MID1: variants seen among roughly 807,000 people sequenced by gnomAD.
MID1 encodes E3 ubiquitin-protein ligase Midline-1.
A neutral mutation model predicts 40.4 loss-of-function variants in MID1; 7 were observed. The ratio of observed to expected loss-of-function variants is 0.17; its 90% CI spans 0.10 to 0.33. The LOEUF is 0.33. MID1 is among the 10% of genes least tolerant of loss of function. The probability of loss-of-function intolerance (pLI) is 1.00; values close to 1 mark genes in which losing one functional copy is unlikely to be tolerated. For synonymous variants in MID1, 229 were observed against 221.2 expected (o/e 1.04, Z -0.31); for missense variants, 367 against 558.5 (o/e 0.66, Z 3.46).
At chrX:10,657,318 T>A (rs985851249) in intron 1 of MID1, among the ~76,000 whole-genome samples, 5 of 111,854 alleles carry the variant, frequency 4.5e-5, no homozygotes, top group Non-Finnish European at 7.5e-5. Context: ...TGAAATTTTG[T>A]CTCAAGGTCT....
At chrX:10,587,525 A>T (rs970461856) in intron 1 of MID1, among the ~76,000 whole-genome samples, 2 of 112,688 alleles carry the variant, frequency 1.8e-5, no homozygotes, top group African/African-American at 6.4e-5. Flanking sequence ...AGAATCCTGG[A>T]AAAGAACTAC....
chrX:10,652,404 G>A (rs1936325982), intron 1 of MID1, among the ~76,000 whole-genome samples: 1 of 111,226 alleles, frequency 9.0e-6, no homozygotes, highest in Admixed American at 9.6e-5. Context: ...AGAAAATCCT[G>A]TTGACTTCAC....
intron 3 of MID1, among the ~76,000 whole-genome samples, chrX:10,517,869 T>A (rs1422013344): frequency 1.8e-5 from 2 of 112,340 alleles, no homozygotes; most frequent in Non-Finnish European, 3.8e-5. Flanking sequence ...TTGAAGTAGA[T>A]AATCCACACC....
At chrX:10,764,482 A>T (rs1226619406) in intron 1 of MID1, among the ~76,000 whole-genome samples, 1 of 112,079 alleles carries the variant, frequency 8.9e-6, no homozygotes, top group East Asian at 2.8e-4. Flanking sequence ...AAAATTAGCC[A>T]CACTAAAGTT....
intron 1 of MID1, among the ~76,000 whole-genome samples, chrX:10,694,791 T>C (rs2043151582): frequency 8.9e-6 from 1 of 112,089 alleles, no homozygotes; most frequent in African/African-American, 3.2e-5. Flanking sequence ...AGTGTGAAAA[T>C]TATGACACTA....
chrX:10,567,552 A>G lies in MID1; in HGVS notation c.-5T>C, dbSNP rs1190007923. The stretch of plus-strand genomic sequence containing the variant: ...TTCTGACTCCAGTGTTTCCATCTTC[A>G]GGCAAAGCTCTCTTGTGTCATCAGC... On this transcript the variant is annotated 5_prime_UTR_variant, in exon 2 of 10. An upstream open reading frame in the 5' UTR loses its in-frame stop. Transcript: ENST00000317552. The G allele has an allele frequency of 8.3e-7, 1 of 1,211,670 alleles. No homozygotes were observed. The highest frequency in any genetic ancestry group is 2.2e-5 in the Admixed American group (1 of 46,095).
intron 1 of MID1, among the ~76,000 whole-genome samples, chrX:10,722,345 T>C (rs1332483814): frequency 8.9e-6 from 1 of 112,146 alleles, no homozygotes; most frequent in South Asian, 3.7e-4. Flanking sequence ...TGCCTGGATA[T>C]TTAGCAATGC....
chrX:10,748,022 A>G (rs1231152926), intron 1 of MID1, among the ~76,000 whole-genome samples: 1 of 109,908 alleles, frequency 9.1e-6, no homozygotes, highest in African/African-American at 3.3e-5. Flanking sequence ...GGATCCATTT[A>G]GTGAGCTGGA....
chrX:10,725,473 A>G (rs1188939018), intron 1 of MID1, among the ~76,000 whole-genome samples: 2 of 112,375 alleles, frequency 1.8e-5, no homozygotes, highest in African/African-American at 3.2e-5. Context: ...GATATTGGCC[A>G]TGTTACATAT....
At chrX:10,553,901 ACTCT>A (rs948015520) in intron 2 of MID1, among the ~76,000 whole-genome samples, 3 of 110,448 alleles carry the variant, frequency 2.7e-5, no homozygotes, top group South Asian at 3.9e-4. Context: ...CCATACTCAA[ACTCT>A]CTCTCTTTCT....
chrX:10,560,102 G>C lies in MID1; in HGVS notation c.660+6786C>G, dbSNP rs762593802. 9.0e-5 allele frequency among the ~76,000 whole-genome samples: 10 copies of C among 110,520 alleles called. No individual in the cohort carries two copies. In the South Asian group the frequency reaches 3.9e-3, roughly 43 times the overall value. The stretch of plus-strand genomic sequence containing the variant: ...GGGTCTTGCTATGTTGTCCAAGCTG[G>C]TCTCAAACGACCAAGCTCAAGCAAT... On this transcript the variant is annotated intron_variant, in intron 2 of 9. Coordinates refer to ENST00000317552, the MANE Select transcript of MID1 (RefSeq NM_000381.4).
chrX:10,565,563 G>A (rs1223361626), intron 2 of MID1: 8 of 321,146 alleles, frequency 2.5e-5, no homozygotes, highest in Non-Finnish European at 4.8e-5. Flanking sequence ...TCAACAACAT[G>A]GTATGTGTTT....
chrX:10,749,995 G>A (rs1456682883), intron 1 of MID1, among the ~76,000 whole-genome samples: 1 of 111,565 alleles, frequency 9.0e-6, no homozygotes, highest in Non-Finnish European at 1.9e-5. Context: ...CTCTTCTGGA[G>A]CAATATTCTA....
intron 1 of MID1, among the ~76,000 whole-genome samples, chrX:10,792,172 A>G (rs1171112949): frequency 8.9e-6 from 1 of 112,259 alleles, no homozygotes; most frequent in Non-Finnish European, 1.9e-5. Context: ...AAAACCAGAC[A>G]TAGACAATAT....
intron 1 of MID1, among the ~76,000 whole-genome samples, chrX:10,790,821 T>C (rs2043925130): frequency 8.9e-6 from 1 of 112,317 alleles, no homozygotes; most frequent in Non-Finnish European, 1.9e-5. Flanking sequence ...TTTTTCTTCA[T>C]ATAGATTCTT....
At chrX:10,678,616 C>T (rs1203860342) in intron 1 of MID1, among the ~76,000 whole-genome samples, 3 of 111,421 alleles carry the variant, frequency 2.7e-5, no homozygotes, top group Non-Finnish European at 5.7e-5. Flanking sequence ...CAGCATATGT[C>T]AAGTCAAAAG....
At position 10,737,385 on chromosome X, in the gene MID1, C is replaced by A. The variant is rs150368449; in HGVS notation, c.-187+96169G>T. ...TCAGTACTTTGTATCCTCAAATCTC[C>A]TTCCCTTTGGATGGATCTTGCTGCC... On this transcript the variant is annotated intron_variant, in intron 1 of 10. Coordinates refer to the MID1 transcript ENST00000380785. Among the ~76,000 whole-genome samples the A allele has an allele frequency of 4.1e-3, 466 of 112,795 alleles. 2 individuals carry two copies. Among genetic ancestry groups the A allele is most frequent in the African/African-American group, 0.014 (439 of 31,101 alleles).
At chrX:10,513,698 G>A (rs1033463369) in intron 3 of MID1, among the ~76,000 whole-genome samples, 20 of 111,203 alleles carry the variant, frequency 1.8e-4, no homozygotes, top group African/African-American at 6.6e-4. Flanking sequence ...AAATAGAGAT[G>A]GGGTTTTACC....
chrX:10,777,551 T>C (rs1402955563), intron 1 of MID1, among the ~76,000 whole-genome samples: 1 of 109,177 alleles, frequency 9.2e-6, no homozygotes, highest in Non-Finnish European at 1.9e-5. Flanking sequence ...TTCTTTTCTT[T>C]TTTTTTTTAA....
Sources: gnomAD v4.1 joint callset for allele counts (sites outside exome capture counted in the v4.1 genomes callset) on GRCh38, gnomAD v4.1.1 for gene constraint, MANE v1.5 for transcripts, NCBI Gene and HGNC (gene_info 2026-07-23, HGNC 2026-07-21) for gene names.